The following ADCY3 variants were observed in gnomAD, a reference collection of about 807,000 sequenced individuals.
ADCY3 encodes the protein adenylate cyclase type 3.
A neutral mutation model predicts 119.4 loss-of-function variants in ADCY3; 70 were observed. That is an observed-to-expected ratio of 0.59 (90% confidence interval 0.48 to 0.72). ADCY3 has a LOEUF of 0.72. ADCY3 is among the 30% of genes least tolerant of loss of function. ADCY3 has a pLI of 0.00. For synonymous variants in ADCY3, 672 were observed against 621.4 expected, an observed-to-expected ratio of 1.08 and a Z score of -1.21; for missense variants, 1,238 against 1,541.6, an observed-to-expected ratio of 0.80 and a Z score of 3.30.
rs1172748897 is a variant in ADCY3, at chr2:24,827,905, T to G, written c.2429A>C (p.His810Pro). Residue 810 changes from histidine to proline, a missense_variant, in exon 14 of 22, where the codon CAC (histidine) becomes CCC (proline). Physicochemically the swap from His to Pro is moderately conservative, Grantham distance 77 (BLOSUM62 -2). Transcript: ENST00000679454. ...CCCCAGTCACGCTTCATCTTACTCG[T>G]GCTCCCGAAAACGCTTGTGGTCGTA... Reference protein sequence around the residue: ...DEYDHKRFREHDLPMVALEQM... With the variant: ...DEYDHKRFREPDLPMVALEQM... 6.2e-7 allele frequency: 1 copy of G among 1,614,040 alleles called. No individual in the cohort carries two copies. Among genetic ancestry groups the G allele is most frequent in the Non-Finnish European group, 8.5e-7 (1 of 1,179,976 alleles).
In ADCY3 at chr2:24,834,782, G is replaced by C; in HGVS notation, c.1805+12C>G. 6.2e-7 allele frequency: 1 copy of C among 1,611,396 alleles called. No homozygotes were observed. The highest frequency in any genetic ancestry group is 8.5e-7 in the Non-Finnish European group (1 of 1,178,216). Reference sequence around the variant, plus strand: ...GGAGTGGTGGGCCTGGACGCTTCCGGGTGGCGCTTACACTTGGGCGGACTC... The same window carrying C: ...GGAGTGGTGGGCCTGGACGCTTCCGCGTGGCGCTTACACTTGGGCGGACTC... On this transcript the variant is annotated intron_variant, in intron 10 of 21. Transcript: ENST00000679454. This position sits in a 1 kb window ranked among gnomAD's most constrained non-coding sequence, Gnocchi z 4.2.
rs1375775116 is a variant in ADCY3, at chr2:24,819,968, A to G, written c.3399T>C (p.Ser1133=). Residue 1133 remains serine, a synonymous_variant, in exon 22 of 22, where the codon TCT becomes TCC. Coordinates refer to ENST00000679454, the MANE Select transcript of ADCY3 (RefSeq NM_004036.5). ...DKLATFPNGP[S]VTLPHQVVDN... Reference sequence around the variant, plus strand: ...CCACCACCTGGTGGGGCAGTGTGACAGAGGGGCCATTGGGGAAGGTGGCTA... The same window carrying G: ...CCACCACCTGGTGGGGCAGTGTGACGGAGGGGCCATTGGGGAAGGTGGCTA... 6.2e-7 allele frequency: 1 copy of G among 1,613,902 alleles called. No homozygotes were observed. The highest frequency in any genetic ancestry group is 1.3e-5 in the African/African-American group (1 of 75,004).
chr2:24,881,420 A>C (rs1676389390), intron 2 of ADCY3, among the ~76,000 whole-genome samples: 1 of 152,206 alleles, frequency 6.6e-6, no homozygotes, highest in Non-Finnish European at 1.5e-5. Flanking sequence ...TGAGAAGTGA[A>C]TGCCAAGCAA....
intron 3 of ADCY3, among the ~76,000 whole-genome samples, chr2:24,871,506 T>G (rs1675006652): frequency 6.6e-6 from 1 of 152,222 alleles, no homozygotes; most frequent in Admixed American, 6.5e-5. Flanking sequence ...TGACTTAGTG[T>G]GTGCCTCGGA....
intron 21 of ADCY3, 124 bp downstream of exon 21, chr2:24,820,600 C>T (rs563029276): frequency 2.1e-5 from 31 of 1,497,522 alleles, no homozygotes; most frequent in Admixed American, 6.3e-5. Context: ...ACTTGCCCCA[C>T]GTCTCTGCCT....
intron 3 of ADCY3, among the ~76,000 whole-genome samples, chr2:24,861,019 G>A (rs1362994216): frequency 6.6e-6 from 1 of 152,228 alleles, no homozygotes; most frequent in African/African-American, 2.4e-5. Flanking sequence ...GGGAGGCCAA[G>A]GCAGGCAGAT....
intron 3 of ADCY3, among the ~76,000 whole-genome samples, chr2:24,866,988 C>T (rs951953779): frequency 2.0e-5 from 3 of 152,094 alleles, no homozygotes; most frequent in South Asian, 2.1e-4. Flanking sequence ...AGGAAAGGAG[C>T]GAATGGGAAG....
chr2:24,820,483 A>G, intron 21 of ADCY3: 2 of 1,395,880 alleles, frequency 1.4e-6, no homozygotes, highest in South Asian at 1.6e-5. Context: ...TAGAAGGTTC[A>G]TACCCAAAGG....
intron 2 of ADCY3, among the ~76,000 whole-genome samples, chr2:24,909,055 A>T (rs1001218167): frequency 1.3e-5 from 2 of 152,240 alleles, no homozygotes; most frequent in Non-Finnish European, 1.5e-5. Context: ...TTTCTTCTCC[A>T]GATCTTGAGT....
intron 2 of ADCY3, among the ~76,000 whole-genome samples, chr2:24,873,464 G>A (rs916167140): frequency 1.3e-5 from 2 of 152,124 alleles, no homozygotes; most frequent in African/African-American, 4.8e-5. Flanking sequence ...GGGCTTCTGG[G>A]GCATCAAGTG....
intron 15 of ADCY3, chr2:24,826,370 G>T: frequency 2.1e-6 from 1 of 486,042 alleles, no homozygotes. Flanking sequence ...TTCACATCAG[G>T]GCTGCTCCCC....
intron 3 of ADCY3, among the ~76,000 whole-genome samples, chr2:24,844,564 G>A (rs756124988): frequency 1.6e-4 from 24 of 152,134 alleles, no homozygotes; most frequent in Non-Finnish European, 3.5e-4. Flanking sequence ...GGAGGTGAAG[G>A]CTCAACTCCA....
chr2:24,869,054 T>C (rs1336687433), intron 3 of ADCY3, among the ~76,000 whole-genome samples: 5 of 151,764 alleles, frequency 3.3e-5, no homozygotes, highest in South Asian at 4.2e-4. Context: ...AGATAAGAAA[T>C]GTACAAAGAA....
At chr2:24,844,925 C>T (rs1479990044) in intron 3 of ADCY3, among the ~76,000 whole-genome samples, 3 of 152,140 alleles carry the variant, frequency 2.0e-5, no homozygotes, top group African/African-American at 4.8e-5. Flanking sequence ...TCACAGTGGC[C>T]GGTCTTTTCT....
At chr2:24,914,556 T>C (rs1664204514) in intron 2 of ADCY3, among the ~76,000 whole-genome samples, 1 of 151,566 alleles carries the variant, frequency 6.6e-6, no homozygotes, top group South Asian at 2.1e-4. Context: ...CCACCTGTAA[T>C]CCCAGGTACT....
chr2:24,901,502 G>A (rs1470756355), intron 2 of ADCY3, among the ~76,000 whole-genome samples: 1 of 152,156 alleles, frequency 6.6e-6, no homozygotes, highest in Non-Finnish European at 1.5e-5. Context: ...TTGAATTCAA[G>A]GTAGGCAAGA....
At chr2:24,913,741 T>G (rs1664090539) in intron 2 of ADCY3, among the ~76,000 whole-genome samples, 1 of 152,208 alleles carries the variant, frequency 6.6e-6, no homozygotes. Context: ...AATGTTCCTT[T>G]GCTGGGTGAA....
At chr2:24,903,963 T>G (rs1188255112) in intron 2 of ADCY3, among the ~76,000 whole-genome samples, 1 of 152,176 alleles carries the variant, frequency 6.6e-6, no homozygotes, top group Non-Finnish European at 1.5e-5. Context: ...TGATCTGACC[T>G]AATGAAAGGA....
intron 3 of ADCY3, among the ~76,000 whole-genome samples, chr2:24,848,296 C>T (rs766190216): frequency 7.9e-5 from 12 of 152,378 alleles, no homozygotes; most frequent in East Asian, 1.9e-4. Context: ...GGACATGCTC[C>T]TGCTGCAGTT....
Sources: allele counts gnomAD v4.1 joint callset (sites outside exome capture counted in the v4.1 genomes callset), GRCh38; gene constraint gnomAD v4.1.1; non-coding constraint Gnocchi (gnomAD v3.1); transcripts MANE v1.5; gene names NCBI Gene and HGNC (gene_info 2026-07-23, HGNC 2026-07-21).